The following GABBR2 variants were observed in gnomAD, a reference collection of about 807,000 sequenced individuals.
GABBR2 encodes gamma-aminobutyric acid type B receptor subunit 2, also known as G-protein coupled receptor 51.
Under a neutral mutation model 105.6 loss-of-function variants are expected in GABBR2, and 23 were observed. The ratio of observed to expected loss-of-function variants is 0.22; its 90% CI spans 0.16 to 0.31. The LOEUF is 0.31. Among genes scored for constraint, GABBR2 ranks in the 10% least tolerant of loss-of-function variants. GABBR2 has a pLI of 1.00. For missense variants in GABBR2, 734 were observed against 1,245.5 expected, an observed-to-expected ratio of 0.59 and a Z score of 6.18; for synonymous variants, 478 against 499.7, an observed-to-expected ratio of 0.96 and a Z score of 0.58.
At chr9:98,615,498 C>T (rs1317526133) in intron 1 of GABBR2, among the ~76,000 whole-genome samples, 5 of 152,158 alleles carry the variant, frequency 3.3e-5, no homozygotes, top group South Asian at 2.1e-4. Flanking sequence ...TTTAGACATG[C>T]CCTTATTGTC....
At chr9:98,299,914 G>C (rs1296398910) in intron 16 of GABBR2, among the ~76,000 whole-genome samples, 2 of 151,984 alleles carry the variant, frequency 1.3e-5, no homozygotes. Context: ...CCAGATTAGA[G>C]TGCAGTGGTG....
At chr9:98,593,982 C>T (rs1211238158) in intron 1 of GABBR2, among the ~76,000 whole-genome samples, 2 of 152,214 alleles carry the variant, frequency 1.3e-5, no homozygotes, top group Non-Finnish European at 2.9e-5. Flanking sequence ...CTCCAATTCT[C>T]CAAGCCTGGC....
chr9:98,508,572 G>A (rs1827562853), intron 3 of GABBR2, among the ~76,000 whole-genome samples: 1 of 152,210 alleles, frequency 6.6e-6, no homozygotes, highest in African/African-American at 2.4e-5. Flanking sequence ...CCCTAATACT[G>A]CGCTTTTCCA....
At chr9:98,619,825 A>T (rs1234873185) in intron 1 of GABBR2, among the ~76,000 whole-genome samples, 1 of 152,194 alleles carries the variant, frequency 6.6e-6, no homozygotes, top group Non-Finnish European at 1.5e-5. Context: ...TCCATCATGA[A>T]AAAGCCAGGT....
intron 1 of GABBR2, among the ~76,000 whole-genome samples, chr9:98,635,230 C>T (rs969658782): frequency 6.6e-6 from 1 of 152,240 alleles, no homozygotes; most frequent in Non-Finnish European, 1.5e-5. Context: ...AAAACTGGCA[C>T]ACCCAGAACT....
At chr9:98,670,472 A>G (rs1830393869) in intron 1 of GABBR2, among the ~76,000 whole-genome samples, 1 of 152,236 alleles carries the variant, frequency 6.6e-6, no homozygotes, top group South Asian at 2.1e-4. Flanking sequence ...CAGCAATTCT[A>G]CCTCTACGTA....
chr9:98,656,797 G>A (rs1830189919), intron 1 of GABBR2, among the ~76,000 whole-genome samples: 2 of 152,160 alleles, frequency 1.3e-5, no homozygotes, highest in African/African-American at 4.8e-5. Context: ...TGTCCCCACA[G>A]GAGGGCAGAG....
chr9:98,319,698 C>T (rs1252436848), intron 13 of GABBR2, among the ~76,000 whole-genome samples: 2 of 152,088 alleles, frequency 1.3e-5, no homozygotes, highest in South Asian at 2.1e-4. Context: ...TTTCCAAACA[C>T]GAATGGGGTT....
chr9:98,430,655 A>G (rs1182128321), intron 7 of GABBR2, among the ~76,000 whole-genome samples: 1 of 152,146 alleles, frequency 6.6e-6, no homozygotes, highest in Admixed American at 6.5e-5. Flanking sequence ...GGGTGTGAGC[A>G]GACCTGCATA....
chr9:98,492,553 C>T (rs1827200219), intron 4 of GABBR2, among the ~76,000 whole-genome samples: 1 of 151,914 alleles, frequency 6.6e-6, no homozygotes, highest in Non-Finnish European at 1.5e-5. Context: ...TTTCCTTAGT[C>T]TTTTTCTCAA....
At chr9:98,634,317 T>C (rs1829851900) in intron 1 of GABBR2, among the ~76,000 whole-genome samples, 5 of 152,182 alleles carry the variant, frequency 3.3e-5, no homozygotes, top group Admixed American at 3.3e-4. Context: ...TTGCCTAGTG[T>C]CCCCGTGAAA....
At chr9:98,370,325 G>T (rs1385340038) in intron 12 of GABBR2, among the ~76,000 whole-genome samples, 2 of 152,118 alleles carry the variant, frequency 1.3e-5, no homozygotes, top group Non-Finnish European at 2.9e-5. Context: ...CAAGAGGACG[G>T]CAGGAGAGAA....
intron 8 of GABBR2, among the ~76,000 whole-genome samples, chr9:98,396,485 G>T (rs1378626413): frequency 6.6e-6 from 1 of 152,184 alleles, no homozygotes; most frequent in African/African-American, 2.4e-5. Context: ...AACAGGGGCT[G>T]TAAAAGTCAC....
chr9:98,329,475 C>T (rs1363187953), intron 13 of GABBR2, among the ~76,000 whole-genome samples: 3 of 152,212 alleles, frequency 2.0e-5, no homozygotes, highest in African/African-American at 4.8e-5. Flanking sequence ...AGCTCTATTC[C>T]AGGCACAAGG....
At chr9:98,525,453 A>C (rs1456299847) in intron 3 of GABBR2, among the ~76,000 whole-genome samples, 1 of 152,266 alleles carries the variant, frequency 6.6e-6, no homozygotes, top group Non-Finnish European at 1.5e-5. Context: ...AACCACAATG[A>C]GACACCATGT....
intron 13 of GABBR2, among the ~76,000 whole-genome samples, chr9:98,323,183 A>G (rs539254800): frequency 3.4e-4 from 52 of 152,216 alleles, no homozygotes; most frequent in African/African-American, 1.2e-3. Flanking sequence ...TAAACCACTA[A>G]TCTAGATCTT....
In GABBR2 at chr9:98,480,885, T is replaced by C. The variant is rs758184343; in HGVS notation, c.798+47A>G. 5.4e-6 allele frequency: 6 copies of C among 1,103,840 alleles called. No homozygotes were observed. In the South Asian group the frequency reaches 7.4e-5, roughly 14 times the overall value. 68.4% of individuals were successfully genotyped at this position (1,103,840 alleles called of 1,614,324 possible). On this transcript the variant is annotated intron_variant, in intron 5 of 18. Transcript: ENST00000259455. ...GGAGATAATGAGTATGGGAAAAAGC[T>C]TCGTGAACCTCCCCAAAGACACGAA...
chr9:98,591,878 A>G (rs1829151002), intron 1 of GABBR2, among the ~76,000 whole-genome samples: 1 of 152,230 alleles, frequency 6.6e-6, no homozygotes, highest in African/African-American at 2.4e-5. Flanking sequence ...TCACTTAAAA[A>G]ACAAAAATGT....
chr9:98,515,702 T>C (rs963596078), intron 3 of GABBR2, among the ~76,000 whole-genome samples: 1 of 151,530 alleles, frequency 6.6e-6, no homozygotes, highest in African/African-American at 2.4e-5. Context: ...ACTCCCCCTC[T>C]CCCACCCCCA....
Sources: gnomAD v4.1 joint callset for allele counts (sites outside exome capture counted in the v4.1 genomes callset) on GRCh38, gnomAD v4.1.1 for gene constraint, MANE v1.5 for transcripts, NCBI Gene and HGNC (gene_info 2026-07-23, HGNC 2026-07-21) for gene names.